Variants in METTL25 observed in about 807,000 individuals in gnomAD.
The protein encoded by METTL25 is methyltransferase like 25.
A neutral mutation model predicts 71.6 loss-of-function variants in METTL25; 64 were observed. The observed-to-expected ratio is 0.89, with a 90% CI of 0.73 to 1.10. The LOEUF is 1.10. Among genes scored for constraint, METTL25 ranks in the 50% least tolerant of loss-of-function variants. The pLI is 0.00. For synonymous variants in METTL25, 287 were observed against 250.3 expected (o/e 1.15, Z -1.38); for missense variants, 807 against 707.0 (o/e 1.14, Z -1.60).
chr12:82,456,055 T>A (rs1178007389), intron 8 of METTL25, among the ~76,000 whole-genome samples: 1 of 151,918 alleles, frequency 6.6e-6, no homozygotes, highest in Non-Finnish European at 1.5e-5. Flanking sequence ...ATCAGAGGTG[T>A]TAATATTTAT....
chr12:82,407,726 C>A, intron 5 of METTL25: 1 of 784,358 alleles, frequency 1.3e-6, no homozygotes, highest in South Asian at 5.8e-5. Context: ...CTTCGGAGGT[C>A]AAGAAAACAG....
intron 9 of METTL25, among the ~76,000 whole-genome samples, chr12:82,474,746 C>A (rs559612522): frequency 3.3e-5 from 5 of 151,570 alleles, no homozygotes; most frequent in South Asian, 4.2e-4. Context: ...AAACAACAAA[C>A]TTTTTTTTTA....
At chr12:82,421,675 A>G (rs1352725328) in intron 5 of METTL25, among the ~76,000 whole-genome samples, 1 of 152,162 alleles carries the variant, frequency 6.6e-6, no homozygotes, top group Non-Finnish European at 1.5e-5. Context: ...GAAAAGAGAA[A>G]AGAATCAAAT....
chr12:82,359,270 A>T (rs1881453786), intron 1 of METTL25, among the ~76,000 whole-genome samples: 1 of 145,472 alleles, frequency 6.9e-6, no homozygotes, highest in Admixed American at 7.0e-5. Context: ...GGCTGCCTCA[A>T]TTTAGGAGGT....
chr12:82,393,741 A>C (rs1399131499), intron 3 of METTL25, among the ~76,000 whole-genome samples: 1 of 151,948 alleles, frequency 6.6e-6, no homozygotes, highest in African/African-American at 2.4e-5. Flanking sequence ...ATTCAGTATG[A>C]TGCTAGATGT....
chr12:82,426,172 A>G (rs1888993970), intron 5 of METTL25, among the ~76,000 whole-genome samples: 1 of 152,062 alleles, frequency 6.6e-6, no homozygotes, highest in Admixed American at 6.6e-5. Context: ...GATTCTGAAG[A>G]TAATATTGAG....
At chr12:82,405,497 C>T (rs1312594837) in intron 5 of METTL25, among the ~76,000 whole-genome samples, 1 of 151,948 alleles carries the variant, frequency 6.6e-6, no homozygotes, top group African/African-American at 2.4e-5. Context: ...CAATCTCATA[C>T]TTAAAAAAAG....
intron 4 of METTL25, among the ~76,000 whole-genome samples, chr12:82,399,730 A>G (rs1317145019): frequency 1.3e-5 from 2 of 152,164 alleles, no homozygotes; most frequent in Non-Finnish European, 2.9e-5. Context: ...AAGTAAAGGG[A>G]TATCTAGAAC....
At chr12:82,380,509 ATTTG>A (rs1299280122) in intron 1 of METTL25, among the ~76,000 whole-genome samples, 6 of 152,288 alleles carry the variant, frequency 3.9e-5, no homozygotes, top group Admixed American at 2.0e-4. Flanking sequence ...GTATATATGT[ATTTG>A]TTTATGTGTG....
intron 1 of METTL25, among the ~76,000 whole-genome samples, chr12:82,362,919 TAAG>T (rs1413695239): frequency 2.6e-5 from 4 of 151,238 alleles, no homozygotes; most frequent in African/African-American, 9.6e-5. Context: ...GGCAGAAATA[TAAG>T]AAGAGGTTAC....
intron 1 of METTL25, among the ~76,000 whole-genome samples, chr12:82,361,327 T>C (rs1010405276): frequency 6.6e-6 from 1 of 152,210 alleles, no homozygotes; most frequent in Non-Finnish European, 1.5e-5. Context: ...AAGTCCCCAC[T>C]AGACTCAGGA....
chr12:82,433,467 C>T (rs1447770184), intron 6 of METTL25, among the ~76,000 whole-genome samples: 1 of 151,620 alleles, frequency 6.6e-6, no homozygotes, highest in East Asian at 1.9e-4. Context: ...TGAAAGTATC[C>T]TTCAAGTAAA....
At chr12:82,411,495 G>A (rs1416112357) in intron 5 of METTL25, among the ~76,000 whole-genome samples, 1 of 151,706 alleles carries the variant, frequency 6.6e-6, no homozygotes, top group East Asian at 1.9e-4. Context: ...ACCATAAAGT[G>A]GGGTATATAG....
chr12:82,419,250 C>T (rs1888252939), intron 5 of METTL25, among the ~76,000 whole-genome samples: 1 of 152,046 alleles, frequency 6.6e-6, no homozygotes. Context: ...GAGAAGCAAG[C>T]ACCAGGATTT....
intron 5 of METTL25, among the ~76,000 whole-genome samples, chr12:82,420,677 A>G (rs1249363076): frequency 6.6e-6 from 1 of 152,172 alleles, no homozygotes; most frequent in Non-Finnish European, 1.5e-5. Flanking sequence ...TCCAAATTGT[A>G]AAAAGTCGAA....
intron 5 of METTL25, among the ~76,000 whole-genome samples, chr12:82,427,946 C>G (rs1476651693): frequency 6.6e-6 from 1 of 151,884 alleles, no homozygotes; most frequent in Non-Finnish European, 1.5e-5. Context: ...ATCCAGAGGT[C>G]AACAAGTAGA....
intron 5 of METTL25, among the ~76,000 whole-genome samples, chr12:82,406,777 G>A (rs2137042410): frequency 6.6e-6 from 1 of 152,278 alleles, no homozygotes; most frequent in South Asian, 2.1e-4. Flanking sequence ...AGAGTAGCAT[G>A]TAGCTCAGTC....
intron 1 of METTL25, among the ~76,000 whole-genome samples, chr12:82,366,587 T>G (rs1882599950): frequency 6.6e-6 from 1 of 152,074 alleles, no homozygotes; most frequent in African/African-American, 2.4e-5. Context: ...TTTTTTTTTT[T>G]GCATCTTAAT....
intron 4 of METTL25, among the ~76,000 whole-genome samples, chr12:82,402,366 CAA>C (rs1403303617): frequency 3.3e-5 from 5 of 151,970 alleles, no homozygotes; most frequent in South Asian, 4.2e-4. Context: ...ATATTATGGT[CAA>C]AGTGTGATAT....
Sources: gnomAD v4.1 joint callset for allele counts (sites outside exome capture counted in the v4.1 genomes callset) on GRCh38, gnomAD v4.1.1 for gene constraint, MANE v1.5 for transcripts, NCBI Gene and HGNC (gene_info 2026-07-23, HGNC 2026-07-21) for gene names.